GAS7: variants seen among roughly 807,000 people sequenced by gnomAD.
The protein encoded by GAS7 is growth arrest specific 7, also known as growth arrest-specific protein 7.
Under a neutral mutation model 71.1 loss-of-function variants are expected in GAS7, and 28 were observed. The observed-to-expected ratio is 0.39, with a 90% CI of 0.29 to 0.54. The LOEUF is 0.54. Ranked by LOEUF, GAS7 falls within the 20% of genes least tolerant of loss-of-function variation. The pLI is 0.62. For synonymous variants in GAS7, 258 were observed against 245.8 expected (o/e 1.05, Z -0.46); for missense variants, 436 against 627.8 (o/e 0.69, Z 3.27).
chr17:9,946,778 C>G lies in GAS7; in HGVS notation c.615+116G>C. 5 of 640,778 alleles carry G rather than the reference C, an allele frequency of 7.8e-6. No individual in the cohort carries two copies. The South Asian group carries it at 9.2e-5, about 12-fold the overall frequency. 39.7% of individuals were successfully genotyped at this position (640,778 alleles called of 1,614,324 possible). A position where few individuals can be genotyped will look rare whatever the true frequency, so the allele number is the denominator to read the frequency against. ...GATGCAAACTCTAACACCAGCCCTT[C>G]ACGCTCCAACGAGAAAGGCCCCTCC... On this transcript the variant is annotated intron_variant, in intron 6 of 13. Transcript: ENST00000432992.
At chr17:9,934,500 G>C (rs1165359365) in intron 8 of GAS7, among the ~76,000 whole-genome samples, 1 of 151,882 alleles carries the variant, frequency 6.6e-6, no homozygotes, top group Non-Finnish European at 1.5e-5. Flanking sequence ...CCAAGAGGTG[G>C]GGGGGGTGGG....
chr17:9,991,031 G>A (rs6503279), intron 2 of GAS7, among the ~76,000 whole-genome samples: 61,998 of 151,704 alleles, frequency 0.41, 14,145 homozygotes, highest in African/African-American at 0.62. Context: ...TTGAGGACAG[G>A]ACTCAGTGAG....
chr17:9,942,813 C>T (rs954013105), intron 7 of GAS7, among the ~76,000 whole-genome samples: 11 of 152,194 alleles, frequency 7.2e-5, no homozygotes, highest in African/African-American at 2.4e-4. Context: ...CCAAGTGTCG[C>T]GTGAGGGATG....
chr17:10,142,033 C>T (rs1032971298), intron 1 of GAS7, among the ~76,000 whole-genome samples: 34 of 151,976 alleles, frequency 2.2e-4, no homozygotes, highest in African/African-American at 7.5e-4. Context: ...TCAAGACCAT[C>T]CTGGCTAACA....
At chr17:9,962,237 T>TACAC (rs1266383021) in intron 4 of GAS7, among the ~76,000 whole-genome samples, 2 of 91,678 alleles carry the variant, frequency 2.2e-5, no homozygotes, top group Non-Finnish European at 4.0e-5. Flanking sequence ...ACGTGCATTT[T>TACAC]ATACACACAC....
chr17:10,164,690 A>C (rs1351306768), intron 1 of GAS7, among the ~76,000 whole-genome samples: 2 of 151,774 alleles, frequency 1.3e-5, no homozygotes, highest in Non-Finnish European at 2.9e-5. Flanking sequence ...TAAAAATGAA[A>C]AAAAAAAGAA....
intron 1 of GAS7, among the ~76,000 whole-genome samples, chr17:10,151,012 A>G (rs1223086063): frequency 6.6e-6 from 1 of 152,214 alleles, no homozygotes; most frequent in African/African-American, 2.4e-5. Flanking sequence ...AACCTAACGC[A>G]TGAAGTTGTT....
In GAS7 at chr17:10,103,479, T is replaced by C. The variant is rs1039375703; in HGVS notation, c.184-83582A>G. 6.6e-6 allele frequency among the ~76,000 whole-genome samples: 1 copy of C among 152,106 alleles called. No individual in the cohort carries two copies. The highest frequency in any genetic ancestry group is 2.4e-5 in the African/African-American group (1 of 41,420). ...TGTTTTCCATTTTCCAAAACAACGATTTCATTTCTCAGATGATGGGAAATG... is the reference window on the plus strand; with the variant it reads ...TGTTTTCCATTTTCCAAAACAACGACTTCATTTCTCAGATGATGGGAAATG... On this transcript the variant is annotated intron_variant, in intron 1 of 13. Transcript: ENST00000432992. The surrounding 1 kb of genome is among the most constrained non-coding windows in gnomAD (Gnocchi z 5.5).
chr17:10,109,115 CA>C (rs745314550), intron 1 of GAS7, among the ~76,000 whole-genome samples: 2 of 150,210 alleles, frequency 1.3e-5, no homozygotes, highest in African/African-American at 2.4e-5. Context: ...AACTCAACAG[CA>C]AAAAAAATTT....
chr17:9,923,346 G>T (rs1348697701), intron 11 of GAS7, among the ~76,000 whole-genome samples: 2 of 144,730 alleles, frequency 1.4e-5, no homozygotes, highest in African/African-American at 5.1e-5. Flanking sequence ...TCACTGTACA[G>T]AAAAACAGCA....
At chr17:10,190,684 G>A (rs909665875) in intron 1 of GAS7, among the ~76,000 whole-genome samples, 2 of 152,114 alleles carry the variant, frequency 1.3e-5, no homozygotes, top group African/African-American at 4.8e-5. Flanking sequence ...AGAGATATCA[G>A]GGAACTTGGT....
intron 5 of GAS7, among the ~76,000 whole-genome samples, chr17:9,957,502 C>G (rs992250043): frequency 5.3e-5 from 8 of 152,236 alleles, no homozygotes; most frequent in Non-Finnish European, 1.0e-4. Flanking sequence ...CAACCCTCCA[C>G]GACATAACAC....
chr17:9,965,997 CTT>C (rs1156705866), intron 4 of GAS7, among the ~76,000 whole-genome samples: 5,100 of 122,448 alleles, frequency 0.042, 209 homozygotes, highest in African/African-American at 0.14. Flanking sequence ...CCCCAAAATT[CTT>C]TTTTTTTTTT....
At chr17:9,982,008 C>T in intron 2 of GAS7, 124 bp from the exon 3 acceptor site, 1 of 645,122 alleles carries the variant, frequency 1.6e-6, no homozygotes. Flanking sequence ...CCCTCCTCCC[C>T]AACCCTGGCC....
rs116608094 is a variant in GAS7, at chr17:10,154,986, C to T, written c.183+43222G>A. ...CCATGTCCACAGTCTGCATGGGAACCTCCATCCCTAAATCCTACTAAACCA... is the reference window on the plus strand; with the variant it reads ...CCATGTCCACAGTCTGCATGGGAACTTCCATCCCTAAATCCTACTAAACCA... On this transcript the variant is annotated intron_variant, in intron 1 of 13. Transcript: ENST00000432992. Among the ~76,000 whole-genome samples the T allele has an allele frequency of 5.3e-3, 803 of 151,574 alleles. 5 individuals carry two copies. The highest frequency in any genetic ancestry group is 0.018 in the African/African-American group (762 of 41,260).
At chr17:10,132,485 G>A (rs535636062) in intron 1 of GAS7, among the ~76,000 whole-genome samples, 2 of 152,220 alleles carry the variant, frequency 1.3e-5, no homozygotes, top group African/African-American at 4.8e-5. Flanking sequence ...ATTATTTTTG[G>A]CCAGGCACGG....
At chr17:9,979,315 G>A (rs2070323973) in intron 3 of GAS7, among the ~76,000 whole-genome samples, 1 of 152,142 alleles carries the variant, frequency 6.6e-6, no homozygotes, top group African/African-American at 2.4e-5. Flanking sequence ...GGGGACAGGA[G>A]TTGTCAACAC....
chr17:9,932,449 T>C (rs1328745665), intron 9 of GAS7, among the ~76,000 whole-genome samples: 1 of 152,214 alleles, frequency 6.6e-6, no homozygotes, highest in Non-Finnish European at 1.5e-5. Flanking sequence ...CACCTCAGCC[T>C]CTCAAAGTGC....
chr17:10,051,185 G>T (rs911754345), intron 1 of GAS7, among the ~76,000 whole-genome samples: 3 of 152,026 alleles, frequency 2.0e-5, no homozygotes, highest in African/African-American at 7.3e-5. Context: ...ATTTTTGCAG[G>T]GATTAAATAA....
Sources: allele counts gnomAD v4.1 joint callset (sites outside exome capture counted in the v4.1 genomes callset), GRCh38; gene constraint gnomAD v4.1.1; non-coding constraint Gnocchi (gnomAD v3.1); transcripts MANE v1.5; gene names NCBI Gene and HGNC (gene_info 2026-07-23, HGNC 2026-07-21).